Variants in LUZP2 observed in about 807,000 individuals in gnomAD.
The protein encoded by LUZP2 is leucine zipper protein 2.
In LUZP2, 52 loss-of-function variants were observed where a neutral mutation model predicts 51.6. The observed-to-expected ratio is 1.01, with a 90% CI of 0.81 to 1.27. The LOEUF (loss-of-function observed/expected upper bound fraction) is 1.27, where lower values mean the gene tolerates loss of function less well. Ranked by LOEUF, LUZP2 falls within the 50% of genes most tolerant of loss-of-function variation. LUZP2 has a pLI of 0.00. For synonymous variants in LUZP2, 154 were observed against 137.3 expected, an observed-to-expected ratio of 1.12 and a Z score of -0.85; for missense variants, 436 against 395.4, an observed-to-expected ratio of 1.10 and a Z score of -0.87.
At position 24,609,729 on chromosome 11, in the gene LUZP2, C is replaced by CA. The variant is rs34436907; in HGVS notation, c.62+112453dup. Among the ~76,000 whole-genome samples the CA allele has an allele frequency of 7.3e-4, 48 of 65,912 alleles. 3 individuals carry two copies. Among genetic ancestry groups the CA allele is most frequent in the African/African-American group, 3.0e-3 (41 of 13,762 alleles). 43.2% of individuals were successfully genotyped at this position (65,912 alleles called of 152,430 possible). A position where few individuals can be genotyped will look rare whatever the true frequency, so the allele number is the denominator to read the frequency against. On this transcript the variant is annotated intron_variant, in intron 1 of 11. Transcript: ENST00000336930. ...TGGATGATAGAGCAAGACTCCAGCT[C>CA]AAAAAAAAAAAAAAAAAAAAAAAAA...
At chr11:24,618,327 G>A (rs1854365951) in intron 1 of LUZP2, among the ~76,000 whole-genome samples, 1 of 152,142 alleles carries the variant, frequency 6.6e-6, no homozygotes, top group South Asian at 2.1e-4. Flanking sequence ...CTCCCATAGG[G>A]GTGAAAGTCC....
chr11:24,726,055 A>G (rs1384497007), intron 1 of LUZP2, among the ~76,000 whole-genome samples: 1 of 152,154 alleles, frequency 6.6e-6, no homozygotes, highest in Middle Eastern at 3.2e-3. Context: ...GAGACGAAAT[A>G]TCTATTATTT....
chr11:25,071,839 A>T (rs965151025), intron 10 of LUZP2, among the ~76,000 whole-genome samples: 28 of 18,044 alleles, frequency 1.6e-3, no homozygotes, highest in Non-Finnish European at 6.8e-3. Context: ...TAAAAAATTT[A>T]AAAAAAGATA....
chr11:24,769,793 G>T (rs543171258), intron 5 of LUZP2, among the ~76,000 whole-genome samples: 4,136 of 137,446 alleles, frequency 0.03, 111 homozygotes, highest in African/African-American at 0.083. Flanking sequence ...TCTCTTTTTT[G>T]TTTGTTTGTT....
chr11:24,661,946 T>C (rs891223721), intron 1 of LUZP2, among the ~76,000 whole-genome samples: 2 of 152,090 alleles, frequency 1.3e-5, no homozygotes, highest in Non-Finnish European at 2.9e-5. Flanking sequence ...AAAACCTTAA[T>C]TTATGGAATA....
At chr11:24,990,902 A>G (rs777650171) in intron 9 of LUZP2, among the ~76,000 whole-genome samples, 1 of 151,162 alleles carries the variant, frequency 6.6e-6, no homozygotes. Context: ...TCAAATGTCA[A>G]CTCTTTTTGA....
At chr11:24,892,468 G>A (rs889888341) in intron 5 of LUZP2, 7 of 839,866 alleles carry the variant, frequency 8.3e-6, no homozygotes, top group Non-Finnish European at 1.0e-5. Context: ...TCCAGAAAAA[G>A]TTAAAATATA....
chr11:24,590,060 A>G (rs1853207442), intron 1 of LUZP2, among the ~76,000 whole-genome samples: 2 of 152,180 alleles, frequency 1.3e-5, no homozygotes, highest in Non-Finnish European at 2.9e-5. Flanking sequence ...ATTCACAAGT[A>G]TAAAAACTTC....
chr11:24,685,804 T>G (rs1346849915), intron 1 of LUZP2, among the ~76,000 whole-genome samples: 1 of 152,224 alleles, frequency 6.6e-6, no homozygotes, highest in Non-Finnish European at 1.5e-5. Flanking sequence ...AACAATTATT[T>G]ATGTTATTTA....
chr11:24,543,744 T>A (rs1002244756), intron 1 of LUZP2, among the ~76,000 whole-genome samples: 1 of 127,562 alleles, frequency 7.8e-6, no homozygotes, highest in African/African-American at 3.0e-5. Flanking sequence ...TCTCTTGAAC[T>A]AAGGAGGTGG....
chr11:24,663,071 G>A (rs1475152529), intron 1 of LUZP2, among the ~76,000 whole-genome samples: 1 of 151,950 alleles, frequency 6.6e-6, no homozygotes, highest in East Asian at 1.9e-4. Context: ...TTAACATTTT[G>A]ATGTATTTTA....
At position 24,535,081 on chromosome 11, in the gene LUZP2, G is replaced by A. The variant is rs75809498; in HGVS notation, c.62+37776G>A. On this transcript the variant is annotated intron_variant, in intron 1 of 11. Transcript: ENST00000336930. ...AATGCTCTACTATAGTCTATTAAGTGTGCAATATCATTATGTCTAAAATGT... is the reference window on the plus strand; with the variant it reads ...AATGCTCTACTATAGTCTATTAAGTATGCAATATCATTATGTCTAAAATGT... Among the ~76,000 whole-genome samples the A allele has an allele frequency of 5.3e-3, 800 of 150,974 alleles. 16 individuals are homozygous for A. The highest frequency in any genetic ancestry group is 0.017 in the African/African-American group (720 of 41,266).
At chr11:24,897,597 G>A (rs1853121596) in intron 5 of LUZP2, among the ~76,000 whole-genome samples, 1 of 152,086 alleles carries the variant, frequency 6.6e-6, no homozygotes, top group Admixed American at 6.6e-5. Context: ...CCCACCAGAA[G>A]GAAGAAACTC....
At chr11:24,807,103 AG>A (rs1168361582) in intron 5 of LUZP2, among the ~76,000 whole-genome samples, 1 of 151,934 alleles carries the variant, frequency 6.6e-6, no homozygotes, top group African/African-American at 2.4e-5. Flanking sequence ...GTCATTACAA[AG>A]GAAGGAAAAA....
intron 1 of LUZP2, among the ~76,000 whole-genome samples, chr11:24,581,420 C>T (rs1348879382): frequency 1.3e-5 from 2 of 152,146 alleles, no homozygotes; most frequent in African/African-American, 4.8e-5. Flanking sequence ...CCTGTAATCC[C>T]AGCACCTTGG....
intron 9 of LUZP2, among the ~76,000 whole-genome samples, chr11:25,005,902 G>A (rs1465746783): frequency 2.0e-5 from 3 of 152,030 alleles, no homozygotes; most frequent in Non-Finnish European, 2.9e-5. Flanking sequence ...GTTAGTATCG[G>A]GATCTTACCC....
chr11:24,790,607 T>G (rs915216520), intron 5 of LUZP2, among the ~76,000 whole-genome samples: 2 of 152,174 alleles, frequency 1.3e-5, no homozygotes, highest in East Asian at 3.9e-4. Context: ...GTTCAAGCGA[T>G]TCTCCTGCCT....
In LUZP2 at chr11:25,037,142, T is replaced by C. The variant is rs192583726; in HGVS notation, c.766-12896T>C. Among the ~76,000 whole-genome samples the C allele has an allele frequency of 7.9e-5, 12 of 152,330 alleles. No individual in the cohort carries two copies. In the East Asian group the frequency reaches 2.3e-3, roughly 29 times the overall value. ...TTTCTAAATCTGGGTGCTTCAGTGT[T>C]GGGTGTGCATATATTTAGGATAGTT... On this transcript the variant is annotated intron_variant, in intron 9 of 11. Coordinates refer to ENST00000336930, the MANE Select transcript of LUZP2 (RefSeq NM_001009909.4).
intron 1 of LUZP2, among the ~76,000 whole-genome samples, chr11:24,613,150 T>G (rs1039588859): frequency 6.6e-6 from 1 of 152,120 alleles, no homozygotes; most frequent in African/African-American, 2.4e-5. Context: ...CTTGCATTGC[T>G]GGTAGTGTTT....
Sources: allele counts gnomAD v4.1 joint callset (sites outside exome capture counted in the v4.1 genomes callset), GRCh38; gene constraint gnomAD v4.1.1; transcripts MANE v1.5; gene names NCBI Gene and HGNC (gene_info 2026-07-23, HGNC 2026-07-21).